Variants in ESRRG observed in about 807,000 individuals in gnomAD.
ESRRG encodes estrogen-related receptor gamma.
A neutral mutation model predicts 44.0 loss-of-function variants in ESRRG; 13 were observed. The ratio of observed to expected loss-of-function variants is 0.30; its 90% CI spans 0.19 to 0.47. The LOEUF is 0.47. ESRRG is among the 20% of genes least tolerant of loss of function. The pLI, the probability that ESRRG is intolerant of heterozygous loss-of-function variation, is 1.00. For missense variants in ESRRG, 395 were observed against 580.6 expected (o/e 0.68, Z 3.29); for synonymous variants, 215 against 214.6 (o/e 1.00, Z -0.02).
At chr1:216,686,840 C>T (rs760040512) in intron 1 of ESRRG, among the ~76,000 whole-genome samples, 1 of 152,054 alleles carries the variant, frequency 6.6e-6, no homozygotes, top group Non-Finnish European at 1.5e-5. Flanking sequence ...CTACGTGTTT[C>T]GTAAACAACT....
chr1:216,715,431 G>A (rs571060145), intron 1 of ESRRG, among the ~76,000 whole-genome samples: 137 of 152,106 alleles, frequency 9.0e-4, no homozygotes, highest in African/African-American at 3.2e-3. Flanking sequence ...TGTTTTAATG[G>A]ATTAATGGCT....
Position 216,832,001 on chromosome 1 carries a change from T to C in ESRRG, c.-14+107581A>G, listed in dbSNP as rs531449418. Among the ~76,000 whole-genome samples the C allele has an allele frequency of 8.5e-5, 13 of 152,336 alleles. No individual in the cohort carries two copies. In the South Asian group the frequency reaches 2.7e-3, roughly 32 times the overall value. On this transcript the variant is annotated intron_variant, in intron 2 of 7. Coordinates refer to the ESRRG transcript ENST00000359162. The stretch of plus-strand genomic sequence containing the variant: ...CCTGTCTGCAAATGATTCTTCATGC[T>C]TTATTTTGCTACACAGAGACTTCAG...
intron 2 of ESRRG, among the ~76,000 whole-genome samples, chr1:216,749,285 G>A (rs137941234): frequency 1.1e-3 from 163 of 152,136 alleles, no homozygotes; most frequent in Non-Finnish European, 1.7e-3. Context: ...ATGGTTTGTC[G>A]TGTCTCTCAG....
chr1:216,903,263 T>A (rs1472054031), intron 2 of ESRRG, among the ~76,000 whole-genome samples: 1 of 152,196 alleles, frequency 6.6e-6, no homozygotes, highest in Admixed American at 6.5e-5. Context: ...CAGGAGACAT[T>A]ACCCAGCATG....
chr1:216,811,810 C>T (rs1329366492), intron 2 of ESRRG, among the ~76,000 whole-genome samples: 1 of 152,046 alleles, frequency 6.6e-6, no homozygotes, highest in Non-Finnish European at 1.5e-5. Context: ...TACAGATAAG[C>T]TGAAAAAAGG....
intron 1 of ESRRG, among the ~76,000 whole-genome samples, chr1:216,697,014 A>G (rs2151814675): frequency 6.6e-6 from 1 of 151,682 alleles, no homozygotes; most frequent in Admixed American, 6.6e-5. Flanking sequence ...TGCCCGGGCC[A>G]GAGTGCAGTG....
At chr1:216,513,288 G>A (rs751688323) in intron 6 of ESRRG, among the ~76,000 whole-genome samples, 6 of 152,076 alleles carry the variant, frequency 3.9e-5, no homozygotes, top group Non-Finnish European at 5.9e-5. Context: ...ATTCTTTGGC[G>A]GCTGTAGAAA....
chr1:216,998,439 C>T (rs2076634236), intron 1 of ESRRG, among the ~76,000 whole-genome samples: 1 of 152,212 alleles, frequency 6.6e-6, no homozygotes, highest in South Asian at 2.1e-4. Context: ...ATTATACCAT[C>T]CTCATTTCAT....
intron 3 of ESRRG, among the ~76,000 whole-genome samples, chr1:216,597,790 G>T (rs957766667): frequency 6.8e-6 from 1 of 147,290 alleles, no homozygotes; most frequent in Middle Eastern, 3.6e-3. Flanking sequence ...GGAGATTTCA[G>T]CTTATAATAC....
At chr1:216,962,213 C>T (rs934166953) in intron 1 of ESRRG, among the ~76,000 whole-genome samples, 1 of 152,132 alleles carries the variant, frequency 6.6e-6, no homozygotes, top group African/African-American at 2.4e-5. Context: ...GAGAGTAGCT[C>T]CCTTACTACA....
intron 1 of ESRRG, among the ~76,000 whole-genome samples, chr1:217,102,170 T>C (rs1166350): frequency 0.42 from 63,787 of 152,078 alleles, 14,712 homozygotes; most frequent in East Asian, 0.57. Flanking sequence ...CATCAATTCA[T>C]AGAAATCTTT....
At chr1:216,954,488 A>C (rs1190588995) in intron 1 of ESRRG, among the ~76,000 whole-genome samples, 1 of 152,158 alleles carries the variant, frequency 6.6e-6, no homozygotes, top group African/African-American at 2.4e-5. Context: ...GGCCTCTTCT[A>C]GGGAAACAAG....
intron 3 of ESRRG, among the ~76,000 whole-genome samples, chr1:216,583,976 A>C (rs151250947): frequency 1.8e-3 from 277 of 152,318 alleles, no homozygotes; most frequent in Non-Finnish European, 3.2e-3. Flanking sequence ...GGTTGCCTCC[A>C]CAACACATGG....
intron 1 of ESRRG, among the ~76,000 whole-genome samples, chr1:217,032,683 T>C (rs528406347): frequency 2.6e-5 from 4 of 152,208 alleles, no homozygotes; most frequent in Non-Finnish European, 1.5e-5. Flanking sequence ...GGGGTGATTG[T>C]TTTGAAAACT....
chr1:216,899,196 A>T (rs977684139), intron 2 of ESRRG, among the ~76,000 whole-genome samples: 14 of 152,210 alleles, frequency 9.2e-5, no homozygotes, highest in Non-Finnish European at 1.8e-4. Context: ...GCTAAGTACT[A>T]AAGACACCTG....
chr1:216,911,366 A>G (rs2149583743), intron 2 of ESRRG, among the ~76,000 whole-genome samples: 1 of 152,304 alleles, frequency 6.6e-6, no homozygotes, highest in East Asian at 1.9e-4. Context: ...GGCACACATC[A>G]TATGATTCCA....
At chr1:216,856,205 TAC>T (rs2095935408) in intron 2 of ESRRG, among the ~76,000 whole-genome samples, 1 of 152,034 alleles carries the variant, frequency 6.6e-6, no homozygotes, top group Non-Finnish European at 1.5e-5. Flanking sequence ...ATAGAGTTGA[TAC>T]ACAGTGTGTT....
chr1:216,517,050 C>T (rs1241757138), intron 6 of ESRRG, among the ~76,000 whole-genome samples: 1 of 152,054 alleles, frequency 6.6e-6, no homozygotes, highest in African/African-American at 2.4e-5. Flanking sequence ...AGTAGGGACT[C>T]TGATTCAATT....
At chr1:216,875,489 T>C (rs987765054) in intron 2 of ESRRG, among the ~76,000 whole-genome samples, 3 of 152,154 alleles carry the variant, frequency 2.0e-5, no homozygotes, top group Non-Finnish European at 4.4e-5. Flanking sequence ...GAACTTCATA[T>C]GAATAGAAAC....
Sources: gnomAD v4.1 joint callset for allele counts (sites outside exome capture counted in the v4.1 genomes callset) on GRCh38, gnomAD v4.1.1 for gene constraint, MANE v1.5 for transcripts, NCBI Gene and HGNC (gene_info 2026-07-23, HGNC 2026-07-21) for gene names.